The following PCLAF variants were observed in gnomAD, a reference collection of about 807,000 sequenced individuals.
The protein encoded by PCLAF is PCNA-associated factor.
A neutral mutation model predicts 15.1 loss-of-function variants in PCLAF; 12 were observed. The observed-to-expected ratio is 0.79, with a 90% CI of 0.51 to 1.29. PCLAF has a LOEUF of 1.29. PCLAF is among the 50% of genes most tolerant of loss of function. The pLI is 0.00. For synonymous variants in PCLAF, 33 were observed against 47.1 expected, an observed-to-expected ratio of 0.70 and a Z score of 1.22; for missense variants, 116 against 130.9, an observed-to-expected ratio of 0.89 and a Z score of 0.56.
chr15:64,384,513 C>A (rs1222709324), upstream of PCLAF, among the ~76,000 whole-genome samples: 2 of 151,146 alleles, frequency 1.3e-5, no homozygotes, highest in African/African-American at 4.9e-5. Flanking sequence ...GAGGCAGAGG[C>A]AGGTAGATCA....
intron 1 of PCLAF, among the ~76,000 whole-genome samples, chr15:64,386,997 T>G (rs535340283): frequency 1.3e-5 from 2 of 152,276 alleles, no homozygotes; most frequent in South Asian, 4.1e-4. Flanking sequence ...ACTGTCATTT[T>G]TGGTTGAGAA....
Position 64,365,832 on chromosome 15 carries a change from A to G in PCLAF, c.*198T>C. On this transcript the variant is annotated 3_prime_UTR_variant, in exon 4 of 4. Coordinates refer to ENST00000300035, the MANE Select transcript of PCLAF (RefSeq NM_014736.6). ...AACCAAACAATGCATTATATTGAAT[A>G]CTAAGCTAAGTTACCATAATTAGTC... 1.7e-6 allele frequency: 1 copy of G among 582,072 alleles called. No individual in the cohort carries two copies. The highest frequency in any genetic ancestry group is 3.0e-6 in the Non-Finnish European group (1 of 332,468). The allele number at this position is 582,072 out of a possible 1,614,324, so 36.1% of individuals were successfully genotyped here.
At chr15:64,379,954 C>CAA (rs66529552) in intron 2 of PCLAF, among the ~76,000 whole-genome samples, 8 of 151,724 alleles carry the variant, frequency 5.3e-5, no homozygotes, top group Admixed American at 2.0e-4. Flanking sequence ...CAAACAAAAA[C>CAA]AAAAACATTT....
chr15:64,377,205 C>A (rs1369048762), intron 2 of PCLAF, among the ~76,000 whole-genome samples: 2 of 151,526 alleles, frequency 1.3e-5, no homozygotes, highest in African/African-American at 2.4e-5. Context: ...CAGTGGCTCA[C>A]GCCTGTAATC....
At chr15:64,371,079 C>T (rs1031167520) in intron 3 of PCLAF, among the ~76,000 whole-genome samples, 2 of 150,188 alleles carry the variant, frequency 1.3e-5, no homozygotes, top group South Asian at 2.1e-4. Flanking sequence ...CGCTATTCTC[C>T]TGCCTCAGCC....
rs142339020 is a variant in PCLAF, at chr15:64,379,109, T to C, written c.127+1849A>G. The stretch of plus-strand genomic sequence containing the variant: ...CCTTAAAGGATGCATTTATTCAACA[T>C]ATATTCAGTAAGGGCCTATTTAGTT... On this transcript the variant is annotated intron_variant, in intron 2 of 3. Coordinates refer to ENST00000300035, the MANE Select transcript of PCLAF (RefSeq NM_014736.6). Among the ~76,000 whole-genome samples, 726 of 152,180 alleles carry C rather than the reference T, an allele frequency of 4.8e-3. 6 individuals carry two copies. The highest frequency in any genetic ancestry group is 0.016 in the African/African-American group (676 of 41,532).
intron 2 of PCLAF, among the ~76,000 whole-genome samples, chr15:64,378,491 C>T (rs1256269140): frequency 6.6e-6 from 1 of 152,152 alleles, no homozygotes; most frequent in Non-Finnish European, 1.5e-5. Context: ...AGGCTGGTCT[C>T]AAACTCCTGG....
At chr15:64,366,405 T>C (rs1046320970) in intron 3 of PCLAF, among the ~76,000 whole-genome samples, 1 of 152,218 alleles carries the variant, frequency 6.6e-6, no homozygotes, top group African/African-American at 2.4e-5. Flanking sequence ...ATAAACAATA[T>C]AATCCTTCAG....
In PCLAF at chr15:64,365,490, T is replaced by G. The variant is rs940160812; in HGVS notation, c.*540A>C. The G allele has an allele frequency of 1.9e-5, 3 of 154,908 alleles. No homozygotes were observed. The highest frequency in any genetic ancestry group is 7.2e-5 in the African/African-American group (3 of 41,470). 9.6% of individuals were successfully genotyped at this position (154,908 alleles called of 1,614,324 possible). ...AACCGTTTAAACCCTCAAGACCAAA[T>G]TATCTTTACATTTTTTTAAAGAGAA... On this transcript the variant is annotated 3_prime_UTR_variant, in exon 4 of 4. Coordinates refer to ENST00000300035, the MANE Select transcript of PCLAF (RefSeq NM_014736.6).
chr15:64,369,369 A>G (rs1899185547), intron 3 of PCLAF, among the ~76,000 whole-genome samples: 1 of 151,088 alleles, frequency 6.6e-6, no homozygotes, highest in Non-Finnish European at 1.5e-5. Context: ...TCTTTAAAAA[A>G]AAAAAAAAAA....
intron 3 of PCLAF, among the ~76,000 whole-genome samples, chr15:64,367,362 G>C (rs1191722193): frequency 2.0e-5 from 3 of 150,598 alleles, no homozygotes; most frequent in African/African-American, 7.3e-5. Context: ...AATTAGCCGG[G>C]CATGGTAGCA....
At chr15:64,384,397 G>C (rs1899893324), upstream of PCLAF, among the ~76,000 whole-genome samples, 1 of 151,602 alleles carries the variant, frequency 6.6e-6, no homozygotes, top group Non-Finnish European at 1.5e-5. Context: ...GCCTCCCAAA[G>C]TGCTGGGATT....
chr15:64,378,583 A>C (rs1475878478), intron 2 of PCLAF, among the ~76,000 whole-genome samples: 1 of 152,078 alleles, frequency 6.6e-6, no homozygotes, highest in African/African-American at 2.4e-5. Flanking sequence ...CAGTTTTCCC[A>C]AAGGAACCTT....
chr15:64,368,475 A>AT (rs1201789381), intron 3 of PCLAF, among the ~76,000 whole-genome samples: 2 of 152,182 alleles, frequency 1.3e-5, no homozygotes, highest in African/African-American at 4.8e-5. Flanking sequence ...TTTAGGCATC[A>AT]TAACTCTGTT....
intron 2 of PCLAF, 41 bp downstream of exon 2, chr15:64,380,917 T>C (rs766165927): frequency 6.4e-7 from 1 of 1,557,458 alleles, no homozygotes; most frequent in Non-Finnish European, 8.9e-7. Context: ...GGCTTGCAGG[T>C]GCCAGGACTG....
At chr15:64,386,671 C>T (rs1180451919) in intron 1 of PCLAF, among the ~76,000 whole-genome samples, 9 of 151,820 alleles carry the variant, frequency 5.9e-5, no homozygotes, top group Non-Finnish European at 8.8e-5. Context: ...TCCGTGTGCG[C>T]TCGGGTGATC....
At chr15:64,387,576 C>T in exon 1 of PCLAF, 1 of 1,368,268 alleles carries the variant, frequency 7.3e-7, no homozygotes, top group Non-Finnish European at 9.5e-7. Context: ...GGCACTTGCA[C>T]TGTCTTCTTA....
intron 3 of PCLAF, chr15:64,373,929 G>T: frequency 1.6e-6 from 1 of 618,486 alleles, no homozygotes; most frequent in Non-Finnish European, 2.4e-6. Context: ...TCTATAAAAA[G>T]GCAGATTTCG....
upstream of PCLAF, among the ~76,000 whole-genome samples, chr15:64,381,774 T>C (rs979782818): frequency 6.6e-6 from 1 of 152,232 alleles, no homozygotes; most frequent in Non-Finnish European, 1.5e-5. Context: ...AAAGTTACTA[T>C]AGCTTTAAGT....
Sources: gnomAD v4.1 joint callset for allele counts (sites outside exome capture counted in the v4.1 genomes callset) on GRCh38, gnomAD v4.1.1 for gene constraint, MANE v1.5 for transcripts, NCBI Gene and HGNC (gene_info 2026-07-23, HGNC 2026-07-21) for gene names.